PRUNE2: variants seen among roughly 807,000 people sequenced by gnomAD.
PRUNE2 encodes prune homolog 2 with BCH domain, also known as protein prune homolog 2.
Under a neutral mutation model 252.0 loss-of-function variants are expected in PRUNE2, and 164 were observed. The observed-to-expected ratio is 0.65, with a 90% CI of 0.57 to 0.74. PRUNE2 has a LOEUF of 0.74. Ranked by LOEUF, PRUNE2 falls within the 30% of genes least tolerant of loss-of-function variation. The pLI is 0.00. For synonymous variants in PRUNE2, 1,292 were observed against 1,350.2 expected, an observed-to-expected ratio of 0.96 and a Z score of 0.94; for missense variants, 3,495 against 3,711.0, an observed-to-expected ratio of 0.94 and a Z score of 1.51.
Position 76,708,961 on chromosome 9 carries a change from G to A in PRUNE2, c.3313C>T (p.Arg1105Trp), listed in dbSNP as rs778837245. ...LTLLHSSTNS[R>W]QTAPDSLDLW... ...TCGAGACTGTCAGGGGCCGTCTGCC[G>A]GGAGTTGGTGCTGCTGTGCAAAAGT... Residue 1105 changes from arginine (R) to tryptophan (W), a missense_variant, in exon 8 of 19, where the codon CGG becomes TGG. Coordinates refer to ENST00000376718, the MANE Select transcript of PRUNE2 (RefSeq NM_015225.3). 1.4e-5 allele frequency: 23 copies of A among 1,613,858 alleles called. No homozygotes were observed. Among genetic ancestry groups the A allele is most frequent in the East Asian group, 2.2e-5 (1 of 44,896 alleles).
intron 6 of PRUNE2, among the ~76,000 whole-genome samples, chr9:76,766,465 C>T (rs1310123764): frequency 6.6e-6 from 1 of 152,106 alleles, no homozygotes; most frequent in Non-Finnish European, 1.5e-5. Flanking sequence ...TAAAATAAAA[C>T]ACATATTAGA....
At chr9:76,805,941 G>C (rs2056902939) in intron 6 of PRUNE2, among the ~76,000 whole-genome samples, 1 of 152,194 alleles carries the variant, frequency 6.6e-6, no homozygotes, top group South Asian at 2.1e-4. Context: ...TTAGAAGGGT[G>C]TCAGAATTTT....
intron 1 of PRUNE2, among the ~76,000 whole-genome samples, chr9:76,867,172 G>T (rs1196787026): frequency 6.6e-6 from 1 of 151,706 alleles, no homozygotes; most frequent in Admixed American, 6.6e-5. Context: ...CCCACCAACT[G>T]CTCTGTCCTC....
intron 6 of PRUNE2, among the ~76,000 whole-genome samples, chr9:76,774,450 C>CTTTTTTTATTTATTTATTTATTTA (rs1564272256): frequency 1.2e-4 from 5 of 41,394 alleles, no homozygotes; most frequent in African/African-American, 1.9e-4. Flanking sequence ...CAGTTCAACC[C>CTTTTTTTATTTATTTATTTATTTA]TTTTTTTTTT....
chr9:76,838,124 T>C (rs1431569525), intron 4 of PRUNE2, among the ~76,000 whole-genome samples: 1 of 151,512 alleles, frequency 6.6e-6, no homozygotes, highest in Non-Finnish European at 1.5e-5. Flanking sequence ...ATCCTATTCC[T>C]TTCTGTACTA....
chr9:76,750,687 C>A (rs1390158448), intron 6 of PRUNE2, among the ~76,000 whole-genome samples: 1 of 152,050 alleles, frequency 6.6e-6, no homozygotes, highest in Non-Finnish European at 1.5e-5. Context: ...CTGGGTAAGA[C>A]AAAAGGAGGT....
rs2046558614 is a variant in PRUNE2, at chr9:76,709,521, G to GA, written c.2752dup (p.Ser918PhefsTer6). ...CATATTCTCCTCAAAAAGGTTCCAGGAATCTACCTTTTCATATACCTTGCC... is the reference window on the plus strand; with the variant it reads ...CATATTCTCCTCAAAAAGGTTCCAGGAAATCTACCTTTTCATATACCTTGCC... On this transcript the variant is annotated frameshift_variant, in exon 8 of 19. Transcript: ENST00000376718. LOFTEE classifies it high-confidence loss of function. 3 of 1,613,916 alleles carry GA rather than the reference G, an allele frequency of 1.9e-6. No individual in the cohort carries two copies. The Admixed American group carries it at 5.0e-5, about 27-fold the overall frequency.
At chr9:76,869,500 G>A (rs2061063171) in intron 1 of PRUNE2, among the ~76,000 whole-genome samples, 1 of 151,948 alleles carries the variant, frequency 6.6e-6, no homozygotes, top group Admixed American at 6.6e-5. Flanking sequence ...TTGCAAAATA[G>A]AAAACCCTTT....
Position 76,706,135 on chromosome 9 carries a change from T to C in PRUNE2, c.6139A>G (p.Thr2047Ala). The C allele has an allele frequency of 6.2e-7, 1 of 1,613,980 alleles. No individual in the cohort carries two copies. The highest frequency in any genetic ancestry group is 8.5e-7 in the Non-Finnish European group (1 of 1,179,864). Reference protein sequence around the residue: ...GSTPSEDSRGTFVPDILHGNF... With the variant: ...GSTPSEDSRGAFVPDILHGNF... ...CCATGTAAAATATCTGGCACAAAGG[T>C]ACCTCGGGAGTCCTCACTTGGGGTA... is the stretch of plus-strand genomic sequence containing the variant. The change falls in exon 8 of 19, where the codon ACC becomes GCC. Residue 2047 changes from threonine to alanine, a missense_variant. Thr to Ala is a moderately conservative substitution (Grantham distance 58, BLOSUM62 0). Transcript: ENST00000376718.
At position 76,855,082 on chromosome 9, in the gene PRUNE2, A is replaced by AAAAAAAAT. The variant is rs1490285240; in HGVS notation, c.37-875_37-874insATTTTTTT. Among the ~76,000 whole-genome samples, 6 of 109,438 alleles carry AAAAAAAAT rather than the reference A, an allele frequency of 5.5e-5. 1 individual carries two copies. The highest frequency in any genetic ancestry group is 2.3e-4 in the African/African-American group (6 of 25,942). 71.8% of individuals were successfully genotyped at this position (109,438 alleles called of 152,430 possible). A position where few individuals can be genotyped will look rare whatever the true frequency, so the allele number is the denominator to read the frequency against. ...TCCATCTCAAAAAAAAAAAAAAAAA[A>AAAAAAAAT]ATATATATATATATATATATAGTCA... On this transcript the variant is annotated intron_variant, in intron 1 of 18. Transcript: ENST00000376718.
chr9:76,779,231 A>C (rs1277810773), intron 6 of PRUNE2, among the ~76,000 whole-genome samples: 1 of 132,550 alleles, frequency 7.5e-6, no homozygotes. Flanking sequence ...AAAAACTTAG[A>C]CTTTTTTTTT....
intron 11 of PRUNE2, among the ~76,000 whole-genome samples, chr9:76,651,385 C>CTAAT (rs1345291243): frequency 3.3e-5 from 5 of 152,278 alleles, no homozygotes; most frequent in African/African-American, 1.2e-4. Context: ...GGTGAATTTT[C>CTAAT]TAATTATGCT....
intron 6 of PRUNE2, among the ~76,000 whole-genome samples, chr9:76,756,669 C>A (rs1383483582): frequency 6.6e-6 from 1 of 152,164 alleles, no homozygotes. Context: ...GGAAAAGGTA[C>A]TAGGATGAGG....
intron 6 of PRUNE2, among the ~76,000 whole-genome samples, chr9:76,809,565 G>A (rs1031020976): frequency 3.9e-5 from 6 of 151,984 alleles, no homozygotes; most frequent in African/African-American, 7.3e-5. Flanking sequence ...ACGTGGTCGC[G>A]CGCACCTATA....
At chr9:76,872,272 A>T (rs536519572) in intron 1 of PRUNE2, among the ~76,000 whole-genome samples, 2 of 152,254 alleles carry the variant, frequency 1.3e-5, no homozygotes, top group Admixed American at 1.3e-4. Context: ...ATGGGCTTCT[A>T]GAAACGTCTC....
At chr9:76,780,523 T>C (rs1041917677) in intron 6 of PRUNE2, among the ~76,000 whole-genome samples, 16 of 150,642 alleles carry the variant, frequency 1.1e-4, no homozygotes, top group African/African-American at 3.6e-4. Flanking sequence ...CTGTTTCTAA[T>C]AAAAAAAAAT....
intron 6 of PRUNE2, among the ~76,000 whole-genome samples, chr9:76,753,811 G>C (rs753947298): frequency 6.6e-5 from 10 of 151,924 alleles, no homozygotes; most frequent in Non-Finnish European, 1.3e-4. Flanking sequence ...CCAGCTACTC[G>C]GGAGGCTGAG....
intron 2 of PRUNE2, among the ~76,000 whole-genome samples, chr9:76,851,846 T>A (rs899883067): frequency 1.3e-5 from 2 of 152,166 alleles, no homozygotes; most frequent in Non-Finnish European, 2.9e-5. Flanking sequence ...GTCACAATAA[T>A]AAACTTGTTT....
intron 9 of PRUNE2, among the ~76,000 whole-genome samples, chr9:76,694,767 T>A (rs1484507640): frequency 3.4e-5 from 5 of 149,152 alleles, no homozygotes; most frequent in East Asian, 2.2e-4. Context: ...TTAAAAAAAA[T>A]TTTTTTTAAA....
Sources: gnomAD v4.1 joint callset for allele counts (sites outside exome capture counted in the v4.1 genomes callset) on GRCh38, gnomAD v4.1.1 for gene constraint, MANE v1.5 for transcripts, NCBI Gene and HGNC (gene_info 2026-07-23, HGNC 2026-07-21) for gene names.